ZNF407: variants seen among roughly 807,000 people sequenced by gnomAD.
The protein encoded by ZNF407 is zinc finger protein 407.
In ZNF407, 17 loss-of-function variants were observed where a neutral mutation model predicts 131.2. That is an observed-to-expected ratio of 0.13 (90% CI 0.09 to 0.19). ZNF407 has a LOEUF of 0.19. ZNF407 is among the 10% of genes least tolerant of loss of function. The pLI is 1.00. For synonymous variants in ZNF407, 1,156 were observed against 1,062.0 expected (o/e 1.09, Z -1.72); for missense variants, 2,681 against 2,830.6 (o/e 0.95, Z 1.20).
chr18:74,644,544 T>C (rs967656047), intron 3 of ZNF407, among the ~76,000 whole-genome samples: 10 of 152,008 alleles, frequency 6.6e-5, no homozygotes, highest in Non-Finnish European at 1.3e-4. Flanking sequence ...TTAAATTCTT[T>C]TAAGTTTATT....
chr18:74,794,201 A>G (rs1171653934), intron 4 of ZNF407, among the ~76,000 whole-genome samples: 1 of 152,148 alleles, frequency 6.6e-6, no homozygotes, highest in Non-Finnish European at 1.5e-5. Context: ...TCTCTGCCGC[A>G]TACATGATGT....
At chr18:75,055,855 G>A (rs1379254575) in intron 8 of ZNF407, among the ~76,000 whole-genome samples, 2 of 152,156 alleles carry the variant, frequency 1.3e-5, no homozygotes, top group Non-Finnish European at 2.9e-5. Context: ...CTGGTTTATT[G>A]TAAATGTTCC....
chr18:74,971,661 A>G (rs113945644), intron 8 of ZNF407, among the ~76,000 whole-genome samples: 4,544 of 152,264 alleles, frequency 0.03, 259 homozygotes, highest in African/African-American at 0.1. Flanking sequence ...GGGCAAAGCC[A>G]TTCAACAAGT....
intron 1 of ZNF407, among the ~76,000 whole-genome samples, chr18:74,603,095 T>TG (rs536518784): frequency 7.3e-4 from 111 of 152,250 alleles, no homozygotes; most frequent in African/African-American, 2.6e-3. Flanking sequence ...AGGTAATACT[T>TG]GAAGAGTTTA....
At chr18:74,759,375 A>G (rs1039424028) in intron 3 of ZNF407, among the ~76,000 whole-genome samples, 1 of 152,120 alleles carries the variant, frequency 6.6e-6, no homozygotes, top group Admixed American at 6.5e-5. Flanking sequence ...TGTTAAGACT[A>G]ATGTTTTGCA....
intron 3 of ZNF407, among the ~76,000 whole-genome samples, chr18:74,741,992 G>A (rs1193773936): frequency 6.6e-6 from 1 of 152,164 alleles, no homozygotes; most frequent in African/African-American, 2.4e-5. Context: ...AAGTGGGAAA[G>A]ATGAAATAAC....
intron 3 of ZNF407, among the ~76,000 whole-genome samples, chr18:74,776,080 G>T (rs941914988): frequency 3.3e-5 from 5 of 152,156 alleles, no homozygotes; most frequent in African/African-American, 9.7e-5. Flanking sequence ...CTAATCCCCA[G>T]TGCCATAGTA....
chr18:74,630,167 C>CTT lies in ZNF407; in HGVS notation c.-53-780_-53-779dup, dbSNP rs1183755965. Among the ~76,000 whole-genome samples, 309 of 120,182 alleles carry CTT rather than the reference C, an allele frequency of 2.6e-3. 1 individual carries two copies. Among genetic ancestry groups the CTT allele is most frequent in the Middle Eastern group, 4.8e-3 (1 of 208 alleles). The allele number at this position is 120,182 out of a possible 152,430, so 78.8% of individuals were successfully genotyped here. ...GGAGAAAAGGATGAAACAGTGGTGT[C>CTT]TTTTTTTTTTTTTTTTTTTTTGAGA... On this transcript the variant is annotated intron_variant, in intron 1 of 8. Coordinates refer to ENST00000299687, the MANE Select transcript of ZNF407 (RefSeq NM_017757.3).
At chr18:74,831,750 T>C (rs1970486894) in intron 4 of ZNF407, among the ~76,000 whole-genome samples, 1 of 152,194 alleles carries the variant, frequency 6.6e-6, no homozygotes, top group Non-Finnish European at 1.5e-5. Context: ...CCCTCACCCC[T>C]GCCCTGCTGT....
At chr18:74,974,753 G>A (rs1240028733) in intron 8 of ZNF407, among the ~76,000 whole-genome samples, 1 of 152,128 alleles carries the variant, frequency 6.6e-6, no homozygotes, top group East Asian at 1.9e-4. Flanking sequence ...TGAAAGTTGT[G>A]CATCTCTGAT....
At chr18:74,815,240 G>C (rs17055651) in intron 4 of ZNF407, among the ~76,000 whole-genome samples, 12,412 of 152,014 alleles carry the variant, frequency 0.082, 633 homozygotes, top group South Asian at 0.17. Context: ...TTTTAGAGTT[G>C]GGTTCTCACT....
chr18:74,819,326 A>T (rs555149524), intron 4 of ZNF407, among the ~76,000 whole-genome samples: 1 of 152,172 alleles, frequency 6.6e-6, no homozygotes, highest in Non-Finnish European at 1.5e-5. Flanking sequence ...TCCTTTACTT[A>T]AAAGGAAGTT....
intron 8 of ZNF407, among the ~76,000 whole-genome samples, chr18:74,982,941 G>A (rs1355608575): frequency 2.6e-5 from 4 of 152,034 alleles, no homozygotes; most frequent in Non-Finnish European, 5.9e-5. Context: ...TACTTCCCAA[G>A]TGTAAAGTTG....
chr18:74,842,739 T>A (rs1373355924), intron 4 of ZNF407, among the ~76,000 whole-genome samples: 1 of 152,158 alleles, frequency 6.6e-6, no homozygotes, highest in African/African-American at 2.4e-5. Context: ...TTTATTATTT[T>A]TTGAGACAGA....
At position 74,865,085 on chromosome 18, in the gene ZNF407, C is replaced by T. The variant is rs569912559; in HGVS notation, c.4878-12112C>T. Among the ~76,000 whole-genome samples the T allele has an allele frequency of 6.6e-4, 101 of 152,302 alleles. 3 individuals carry two copies. The South Asian group carries it at 0.017, about 26-fold the overall frequency. ...CTTGAAGCCTCTGCTCCTATCTTTG[C>T]GCAGATGCTGTACTCACCACTCACC... On this transcript the variant is annotated intron_variant, in intron 4 of 8. Coordinates refer to ENST00000299687, the MANE Select transcript of ZNF407 (RefSeq NM_017757.3).
intron 3 of ZNF407, among the ~76,000 whole-genome samples, chr18:74,730,947 A>G (rs1358741693): frequency 6.6e-6 from 1 of 152,194 alleles, no homozygotes; most frequent in Non-Finnish European, 1.5e-5. Flanking sequence ...GTTTTTCTGA[A>G]TAACTTGTAC....
chr18:75,006,172 C>T (rs1972908357), intron 8 of ZNF407, among the ~76,000 whole-genome samples: 1 of 152,148 alleles, frequency 6.6e-6, no homozygotes, highest in Admixed American at 6.5e-5. Flanking sequence ...TGCACTGCCG[C>T]TCCTATTTCT....
intron 3 of ZNF407, among the ~76,000 whole-genome samples, chr18:74,672,814 C>A (rs951424245): frequency 6.6e-6 from 1 of 152,072 alleles, no homozygotes; most frequent in Non-Finnish European, 1.5e-5. Flanking sequence ...TTTTAATGAA[C>A]CTATAATACC....
At chr18:74,902,991 C>G (rs1418139489) in intron 7 of ZNF407, among the ~76,000 whole-genome samples, 1 of 152,170 alleles carries the variant, frequency 6.6e-6, no homozygotes, top group Non-Finnish European at 1.5e-5. Flanking sequence ...CTTTCAGACA[C>G]TTACATAGTG....
Sources: allele counts gnomAD v4.1 joint callset (sites outside exome capture counted in the v4.1 genomes callset), GRCh38; gene constraint gnomAD v4.1.1; transcripts MANE v1.5; gene names NCBI Gene and HGNC (gene_info 2026-07-23, HGNC 2026-07-21).